MGMT: variants seen among roughly 807,000 people sequenced by gnomAD.
MGMT encodes methylated-DNA--protein-cysteine methyltransferase.
Under a neutral mutation model 15.9 loss-of-function variants are expected in MGMT, and 14 were observed. The observed-to-expected ratio is 0.88, with a 90% CI of 0.58 to 1.37. The LOEUF is 1.37. Among genes scored for constraint, MGMT ranks in the 40% most tolerant of loss-of-function variants. The probability of loss-of-function intolerance (pLI) is 0.00; values close to 1 mark genes in which losing one functional copy is unlikely to be tolerated. For missense variants in MGMT, 282 were observed against 268.1 expected, an observed-to-expected ratio of 1.05 and a Z score of -0.36; for synonymous variants, 130 against 118.2, an observed-to-expected ratio of 1.10 and a Z score of -0.65.
intron 2 of MGMT, among the ~76,000 whole-genome samples, chr10:129,665,092 C>G (rs1171546774): frequency 6.6e-6 from 1 of 152,072 alleles, no homozygotes; most frequent in Non-Finnish European, 1.5e-5. Context: ...AATGTTTACT[C>G]AAGTGAACAA....
chr10:129,754,915 CA>C (rs202014081), intron 3 of MGMT, among the ~76,000 whole-genome samples: 1,433 of 85,114 alleles, frequency 0.017, 22 homozygotes, highest in African/African-American at 0.096. Context: ...TTTCCTTCCT[CA>C]AAGTGGATTA....
Position 129,677,170 on chromosome 10 carries a change from G to GTTT in MGMT, c.126-30717_126-30715dup, listed in dbSNP as rs11385209. On this transcript the variant is annotated intron_variant, in intron 2 of 4. Coordinates refer to ENST00000651593, the MANE Select transcript of MGMT (RefSeq NM_002412.5). ...GAGTTGATTTACATGAAACACATGT[G>GTTT]TTTTTTTTTTAAAGACAATTTTAAT... 1.1e-4 allele frequency among the ~76,000 whole-genome samples: 17 copies of GTTT among 149,900 alleles called. 1 individual carries two copies. Among genetic ancestry groups the GTTT allele is most frequent in the Admixed American group, 1.1e-3 (17 of 15,074 alleles).
chr10:129,653,018 A>T (rs1206919348), intron 2 of MGMT, among the ~76,000 whole-genome samples: 1 of 152,200 alleles, frequency 6.6e-6, no homozygotes, highest in East Asian at 1.9e-4. Context: ...GGCTCTCGGG[A>T]TCCCTCCAGG....
chr10:129,604,869 G>A (rs929683795), intron 2 of MGMT, among the ~76,000 whole-genome samples: 1 of 152,076 alleles, frequency 6.6e-6, no homozygotes, highest in African/African-American at 2.4e-5. Flanking sequence ...TGTTTAGTCT[G>A]CTTCGGGCTG....
intron 2 of MGMT, among the ~76,000 whole-genome samples, chr10:129,545,831 ACT>A (rs765217349): frequency 1.3e-5 from 2 of 152,170 alleles, no homozygotes; most frequent in South Asian, 2.1e-4. Flanking sequence ...TAAGCTCTAA[ACT>A]CTCACAATAT....
Position 129,759,215 on chromosome 10 carries a change from A to C in MGMT, c.288A>C (p.Arg96Ser). The C allele has an allele frequency of 6.2e-7, 1 of 1,614,186 alleles. No individual in the cohort carries two copies. Among genetic ancestry groups the C allele is most frequent in the Non-Finnish European group, 8.5e-7 (1 of 1,180,040 alleles). Residue 96 changes from arginine to serine, a missense_variant, in exon 4 of 5, where the codon AGA (arginine) becomes AGC (serine). Physicochemically the swap from Arg to Ser is moderately radical, Grantham distance 110. Coordinates refer to ENST00000651593, the MANE Select transcript of MGMT (RefSeq NM_002412.5). ...TCTTCCTTTCAGAGTCGTTCACCAG[A>C]CAGGTGTTATGGAAGCTGCTGAAGG... is the stretch of plus-strand genomic sequence containing the variant. ...HPVFQQESFT[R>S]QVLWKLLKVV...
intron 2 of MGMT, among the ~76,000 whole-genome samples, chr10:129,539,807 GTGATACATCT>G (rs1256809901): frequency 6.6e-6 from 1 of 152,180 alleles, no homozygotes; most frequent in Non-Finnish European, 1.5e-5. Context: ...CGCCCGGCCT[GTGATACATCT>G]TGATGCTAGG....
chr10:129,749,293 C>G (rs949851552), intron 3 of MGMT, among the ~76,000 whole-genome samples: 1 of 152,124 alleles, frequency 6.6e-6, no homozygotes, highest in Non-Finnish European at 1.5e-5. Context: ...TTCAGTCCCC[C>G]GCTCCTTCTG....
In MGMT at chr10:129,543,232, G is replaced by T. The variant is rs187037069; in HGVS notation, c.125+6855G>T. On this transcript the variant is annotated intron_variant, in intron 2 of 4. Transcript: ENST00000651593. ...GACCTTAGTAAAATAAAGGGAAGCA[G>T]CATAACATATGCTTTTAAGTGAGGG... 9.0e-3 allele frequency among the ~76,000 whole-genome samples: 1,372 copies of T among 152,244 alleles called. 8 individuals are homozygous for T. Among genetic ancestry groups the T allele is most frequent in the Non-Finnish European group, 0.016 (1,059 of 68,010 alleles).
At chr10:129,516,043 C>T (rs1202345977) in intron 1 of MGMT, among the ~76,000 whole-genome samples, 1 of 152,174 alleles carries the variant, frequency 6.6e-6, no homozygotes, top group East Asian at 1.9e-4. Flanking sequence ...GTGTGAGCAG[C>T]CTCACTCTGT....
chr10:129,530,803 C>T (rs1845922504), intron 1 of MGMT, among the ~76,000 whole-genome samples: 1 of 152,246 alleles, frequency 6.6e-6, no homozygotes, highest in Non-Finnish European at 1.5e-5. Flanking sequence ...GGCCTCATCC[C>T]CCAGCTCTCG....
chr10:129,636,321 T>A (rs1589906865), intron 2 of MGMT, among the ~76,000 whole-genome samples: 1 of 152,180 alleles, frequency 6.6e-6, no homozygotes, highest in Admixed American at 6.5e-5. Flanking sequence ...TGGAACACAT[T>A]CACGTATAAC....
intron 2 of MGMT, among the ~76,000 whole-genome samples, chr10:129,665,790 GC>G (rs938404859): frequency 3.9e-5 from 6 of 152,192 alleles, no homozygotes; most frequent in African/African-American, 1.4e-4. Flanking sequence ...AAAGACAAAG[GC>G]TGTAAAACTG....
chr10:129,541,115 G>C (rs58566253), intron 2 of MGMT, among the ~76,000 whole-genome samples: 11,315 of 152,336 alleles, frequency 0.074, 494 homozygotes, highest in African/African-American at 0.12. Flanking sequence ...ATCTGTGCTT[G>C]TGTACAAAGT....
chr10:129,645,590 G>A (rs1286094619), intron 2 of MGMT, among the ~76,000 whole-genome samples: 1 of 152,164 alleles, frequency 6.6e-6, no homozygotes, highest in Non-Finnish European at 1.5e-5. Flanking sequence ...TCATCCTTTG[G>A]ATGAGATGCT....
chr10:129,659,844 GC>G lies in MGMT; in HGVS notation c.126-48048del, dbSNP rs1847575731. Among the ~76,000 whole-genome samples, 1 of 152,168 alleles carries G rather than the reference GC, an allele frequency of 6.6e-6. No homozygotes were observed. Among genetic ancestry groups the G allele is most frequent in the Non-Finnish European group, 1.5e-5 (1 of 68,042 alleles). The stretch of plus-strand genomic sequence containing the variant: ...CCTTTGAAATTGAGTAATGGCGGAT[GC>G]CCAGCACCTGATGTTTGGGCACGGG... On this transcript the variant is annotated intron_variant, in intron 2 of 4. Coordinates refer to ENST00000651593, the MANE Select transcript of MGMT (RefSeq NM_002412.5). The surrounding 1 kb of genome is among the most constrained non-coding windows in gnomAD (Gnocchi z 4.1).
chr10:129,711,098 C>G (rs1848227680), intron 3 of MGMT, among the ~76,000 whole-genome samples: 1 of 152,140 alleles, frequency 6.6e-6, no homozygotes, highest in South Asian at 2.1e-4. Context: ...GTACCAAGCC[C>G]TCATCCCTTC....
At chr10:129,615,626 G>A (rs763277932) in intron 2 of MGMT, among the ~76,000 whole-genome samples, 3 of 152,136 alleles carry the variant, frequency 2.0e-5, no homozygotes, top group South Asian at 2.1e-4. Flanking sequence ...GGGATGCAGC[G>A]TGGTGGAATT....
chr10:129,741,610 G>A (rs1848634389), intron 3 of MGMT, among the ~76,000 whole-genome samples: 1 of 152,182 alleles, frequency 6.6e-6, no homozygotes, highest in Non-Finnish European at 1.5e-5. Flanking sequence ...GGAGAGGGAG[G>A]CGGTTTTCTT....
Sources: gnomAD v4.1 joint callset for allele counts (sites outside exome capture counted in the v4.1 genomes callset) on GRCh38, gnomAD v4.1.1 for gene constraint, Gnocchi (gnomAD v3.1) non-coding constraint, MANE v1.5 for transcripts, NCBI Gene and HGNC (gene_info 2026-07-23, HGNC 2026-07-21) for gene names.